Variants in DIP2C observed in about 807,000 individuals in gnomAD.
DIP2C encodes the protein DIP2 acetate--CoA ligase C (putative).
DIP2C carries 33 observed loss-of-function variants against 192.4 expected under a neutral mutation model. That is an observed-to-expected ratio of 0.17 (90% CI 0.13 to 0.23). The LOEUF (loss-of-function observed/expected upper bound fraction) is 0.23. Ranked by LOEUF, DIP2C falls within the 10% of genes least tolerant of loss-of-function variation. The probability of loss-of-function intolerance (pLI) is 1.00; values close to 1 mark genes in which losing one functional copy is unlikely to be tolerated. For synonymous variants in DIP2C, 979 were observed against 864.1 expected, an observed-to-expected ratio of 1.13 and a Z score of -2.33; for missense variants, 1,537 against 2,110.1, an observed-to-expected ratio of 0.73 and a Z score of 5.32.
intron 1 of DIP2C, among the ~76,000 whole-genome samples, chr10:598,485 T>C (rs926218240): frequency 6.6e-6 from 1 of 152,150 alleles, no homozygotes; most frequent in African/African-American, 2.4e-5. Context: ...TCAGTCTCAG[T>C]CCGAGGCCTC....
At chr10:426,514 T>C (rs1403447200) in intron 4 of DIP2C, among the ~76,000 whole-genome samples, 2 of 152,226 alleles carry the variant, frequency 1.3e-5, no homozygotes, top group African/African-American at 2.4e-5. Flanking sequence ...TTCTCAATTT[T>C]ATCTGGAAAT....
chr10:374,503 C>T (rs561406061), intron 17 of DIP2C, among the ~76,000 whole-genome samples: 6 of 152,262 alleles, frequency 3.9e-5, no homozygotes, highest in South Asian at 2.1e-4. Flanking sequence ...GGGGCAGGGG[C>T]GAGGAGGGCT....
Position 363,277 on chromosome 10 carries a change from C to T in DIP2C, c.2512G>A (p.Glu838Lys). Residue 838 changes from glutamate (E) to lysine (K), a missense_variant, in exon 21 of 37, where the codon GAG becomes AAG. Coordinates refer to ENST00000280886, the MANE Select transcript of DIP2C (RefSeq NM_014974.3). The surrounding 1 kb of genome is among the most constrained non-coding windows in gnomAD (Gnocchi z 5.4). ...TGCTCAGCCACGATCACGATCCTCT[C>T]GTCGTGCAGCACGGTCACCGAGAAC... ...AVFSVTVLHDERIVIVAEQRP... is the reference protein window; with the variant it reads ...AVFSVTVLHDKRIVIVAEQRP... The T allele has an allele frequency of 1.9e-6, 3 of 1,612,916 alleles. No individual in the cohort carries two copies. The highest frequency in any genetic ancestry group is 1.1e-5 in the South Asian group (1 of 91,050).
chr10:417,671 C>CCTGTGCCTG (rs1564684700), intron 6 of DIP2C, among the ~76,000 whole-genome samples: 3 of 8,092 alleles, frequency 3.7e-4, no homozygotes, highest in African/African-American at 1.0e-3. Context: ...CCTGTCAGGG[C>CCTGTGCCTG]TCGGATAGGC....
At chr10:469,437 C>T (rs937480466) in intron 3 of DIP2C, among the ~76,000 whole-genome samples, 1 of 151,820 alleles carries the variant, frequency 6.6e-6, no homozygotes, top group Non-Finnish European at 1.5e-5. Context: ...CCACCTCAGC[C>T]TCTGGAATAG....
intron 1 of DIP2C, among the ~76,000 whole-genome samples, chr10:621,002 GT>G (rs1449367831): frequency 3.3e-5 from 5 of 152,220 alleles, no homozygotes; most frequent in Admixed American, 6.5e-5. Flanking sequence ...CGTTCTTGTA[GT>G]TTTCAGTTGG....
chr10:483,377 G>C (rs187073256), intron 2 of DIP2C, among the ~76,000 whole-genome samples: 6 of 152,252 alleles, frequency 3.9e-5, no homozygotes, highest in African/African-American at 1.4e-4. Context: ...CCTCGGCTTT[G>C]GAAACGTCTG....
At position 384,636 on chromosome 10, in the gene DIP2C, C is replaced by T. The variant is rs115905833; in HGVS notation, c.1666G>A (p.Val556Ile). Reference sequence around the variant, plus strand: ...CTGATCACATGCATCATGTTCATGACGCTCTGCAATCAACAAAGGAACACG... The same window carrying T: ...CTGATCACATGCATCATGTTCATGATGCTCTGCAATCAACAAAGGAACACG... ...VGLWHGILTS[V>I]MNMMHVISIP... is the part of the protein sequence containing the mutation. The change falls in exon 15 of 37, where the codon GTC becomes ATC. Residue 556 changes from valine (V) to isoleucine (I), a missense_variant. Physicochemically the swap from Val to Ile is conservative, Grantham distance 29 (BLOSUM62 3). Transcript: ENST00000280886. 41 of 1,613,816 alleles carry T rather than the reference C, an allele frequency of 2.5e-5. No homozygotes were observed. Among genetic ancestry groups the T allele is most frequent in the African/African-American group, 1.7e-4 (13 of 75,038 alleles).
intron 1 of DIP2C, among the ~76,000 whole-genome samples, chr10:503,556 C>A (rs1202242046): frequency 6.6e-6 from 1 of 152,224 alleles, no homozygotes; most frequent in Non-Finnish European, 1.5e-5. Flanking sequence ...TAGCCTCTTT[C>A]TCTGAGAGCA....
chr10:294,520 T>C (rs915803890), intron 32 of DIP2C, among the ~76,000 whole-genome samples: 4 of 150,934 alleles, frequency 2.7e-5, no homozygotes, highest in African/African-American at 7.3e-5. Flanking sequence ...ACTGAGTTTG[T>C]GAGGCAGAGG....
intron 1 of DIP2C, among the ~76,000 whole-genome samples, chr10:498,519 C>A (rs1845013524): frequency 1.3e-5 from 2 of 152,250 alleles, no homozygotes; most frequent in Non-Finnish European, 2.9e-5. Context: ...ACAGCGCAGT[C>A]ATGCTTCTTC....
intron 3 of DIP2C, among the ~76,000 whole-genome samples, chr10:455,327 A>ATGAAAACACTCTGCAGTGAGT (rs1564733639): frequency 7.8e-6 from 1 of 128,300 alleles, no homozygotes; most frequent in Non-Finnish European, 1.7e-5. Flanking sequence ...CTGAGGGGAG[A>ATGAAAACACTCTGCAGTGAGT]CCGTGAGGAA....
chr10:305,632 A>C (rs1384663376), intron 32 of DIP2C, among the ~76,000 whole-genome samples: 1 of 152,188 alleles, frequency 6.6e-6, no homozygotes, highest in African/African-American at 2.4e-5. Flanking sequence ...TTAAGATGTA[A>C]AAAATTGCTA....
chr10:347,734 T>C (rs150264563), intron 26 of DIP2C, among the ~76,000 whole-genome samples: 16,869 of 66,864 alleles, frequency 0.25, 5,911 homozygotes, highest in Non-Finnish European at 0.42. Flanking sequence ...ACATCGCGCA[T>C]AGTTCTCCCG....
At chr10:501,576 T>C (rs1008622309) in intron 1 of DIP2C, among the ~76,000 whole-genome samples, 7 of 151,982 alleles carry the variant, frequency 4.6e-5, no homozygotes, top group African/African-American at 1.4e-4. Context: ...GGAGGCTTCA[T>C]TTAAAATGAA....
chr10:646,753 T>A (rs1855475368), intron 1 of DIP2C, among the ~76,000 whole-genome samples: 1 of 152,248 alleles, frequency 6.6e-6, no homozygotes, highest in Non-Finnish European at 1.5e-5. Context: ...TGTTAGGCTG[T>A]CAAATTATTT....
At chr10:644,241 G>A (rs569719059) in intron 1 of DIP2C, among the ~76,000 whole-genome samples, 5 of 152,254 alleles carry the variant, frequency 3.3e-5, no homozygotes, top group Admixed American at 3.3e-4. Flanking sequence ...GGGCCCAAGA[G>A]TGGGGATGGG....
At chr10:432,655 A>G (rs889128553) in intron 4 of DIP2C, among the ~76,000 whole-genome samples, 6 of 151,872 alleles carry the variant, frequency 4.0e-5, no homozygotes, top group Non-Finnish European at 7.4e-5. Context: ...TCTGTTTTCA[A>G]TGTGTTGATT....
At chr10:593,810 A>C (rs12570174) in intron 1 of DIP2C, among the ~76,000 whole-genome samples, 7,619 of 152,214 alleles carry the variant, frequency 0.05, 266 homozygotes, top group East Asian at 0.19. Context: ...GTCCACAAGA[A>C]AGGGAGAGCT....
Sources: allele counts gnomAD v4.1 joint callset (sites outside exome capture counted in the v4.1 genomes callset), GRCh38; gene constraint gnomAD v4.1.1; non-coding constraint Gnocchi (gnomAD v3.1); transcripts MANE v1.5; gene names NCBI Gene and HGNC (gene_info 2026-07-23, HGNC 2026-07-21).